Variants in ERC1 observed in about 807,000 individuals in gnomAD.
ERC1 encodes the protein ELKS/RAB6-interacting/CAST family member 1.
In ERC1, 56 loss-of-function variants were observed where a neutral mutation model predicts 132.0. That is an observed-to-expected ratio of 0.42 (90% CI 0.34 to 0.53). The LOEUF (loss-of-function observed/expected upper bound fraction) is 0.53. ERC1 is among the 20% of genes least tolerant of loss of function. ERC1 has a pLI of 0.03. For synonymous variants in ERC1, 478 were observed against 476.1 expected (o/e 1.00, Z -0.05); for missense variants, 1,202 against 1,349.9 (o/e 0.89, Z 1.72).
At chr12:1,444,334 G>A (rs1250684863) in intron 17 of ERC1, 12 of 405,204 alleles carry the variant, frequency 3.0e-5, no homozygotes, top group Admixed American at 4.1e-5. Flanking sequence ...TGAAGCCAGC[G>A]TTCTCTTCCT....
At chr12:1,380,217 ACTC>A (rs2154377973) in intron 16 of ERC1, 1 of 152,082 alleles carries the variant, frequency 6.6e-6, no homozygotes, top group East Asian at 1.9e-4. Context: ...ATTCTCTTTC[ACTC>A]CTCTGCCTTC....
In ERC1 at chr12:1,436,994, A is replaced by G. The variant is rs1421525511; in HGVS notation, c.3025-7568A>G. Among the ~76,000 whole-genome samples, 165 of 144,402 alleles carry G rather than the reference A, an allele frequency of 1.1e-3. 1 individual carries two copies. The highest frequency in any genetic ancestry group is 4.6e-3 in the African/African-American group (157 of 34,126). The allele number at this position is 144,402 out of a possible 152,430, so 94.7% of individuals were successfully genotyped here. A position where few individuals can be genotyped will look rare whatever the true frequency, so the allele number is the denominator to read the frequency against. On this transcript the variant is annotated intron_variant, in intron 17 of 18. Transcript: ENST00000360905. Reference sequence around the variant, plus strand: ...CAGATATATATATATATATGTACTTATACTTAACTCTTCCATTTTTCACTA... The same window carrying G: ...CAGATATATATATATATATGTACTTGTACTTAACTCTTCCATTTTTCACTA...
chr12:1,484,063 T>C (rs1339601037), intron 18 of ERC1, among the ~76,000 whole-genome samples: 3 of 130,560 alleles, frequency 2.3e-5, no homozygotes, highest in Admixed American at 7.1e-5. Flanking sequence ...CCCAGCACTT[T>C]GGGAGGCTGA....
chr12:1,188,367 T>C (rs887103724), intron 11 of ERC1, among the ~76,000 whole-genome samples: 3 of 152,142 alleles, frequency 2.0e-5, no homozygotes, highest in Non-Finnish European at 4.4e-5. Context: ...TCTCCTTTTC[T>C]ATTAGATATA....
intron 15 of ERC1, among the ~76,000 whole-genome samples, chr12:1,321,635 T>G (rs1209610580): frequency 6.6e-6 from 1 of 152,214 alleles, no homozygotes; most frequent in Non-Finnish European, 1.5e-5. Context: ...ATCTTACTCA[T>G]GGCTTTAGGT....
intron 13 of ERC1, among the ~76,000 whole-genome samples, chr12:1,254,070 A>G (rs1164463875): frequency 6.6e-6 from 1 of 152,244 alleles, no homozygotes; most frequent in Non-Finnish European, 1.5e-5. Context: ...CTTCAGTTAC[A>G]TAATCCAATG....
intron 18 of ERC1, among the ~76,000 whole-genome samples, chr12:1,480,006 C>T (rs2094055167): frequency 6.6e-6 from 1 of 152,104 alleles, no homozygotes; most frequent in Admixed American, 6.5e-5. Context: ...ATTTTCTCTA[C>T]CGAAGGTGTA....
At chr12:1,310,214 A>G (rs1159653477) in intron 15 of ERC1, among the ~76,000 whole-genome samples, 25 of 144,418 alleles carry the variant, frequency 1.7e-4, no homozygotes, top group East Asian at 3.9e-4. Flanking sequence ...GTTCTTTTTT[A>G]TTTTATTTTA....
chr12:1,150,641 C>T (rs1950748613), intron 8 of ERC1, among the ~76,000 whole-genome samples: 2 of 152,172 alleles, frequency 1.3e-5, no homozygotes, highest in African/African-American at 4.8e-5. Context: ...AGTATGTGTA[C>T]TTGATATGAT....
intron 18 of ERC1, among the ~76,000 whole-genome samples, chr12:1,487,658 CACAG>C (rs1475034121): frequency 6.7e-6 from 1 of 149,480 alleles, no homozygotes; most frequent in Non-Finnish European, 1.5e-5. Context: ...AGGTCGAGGC[CACAG>C]TGAGCCTGAT....
At chr12:1,386,002 T>A (rs2089296273) in intron 16 of ERC1, 1 of 151,904 alleles carries the variant, frequency 6.6e-6, no homozygotes, top group Non-Finnish European at 1.5e-5. Context: ...TCATTTCCTC[T>A]GTTGCTTAAA....
rs868684267 is a variant in ERC1 at position 1,132,734 on chromosome 12, G to T, written c.1570-8886G>T. ...GGAAAGGCTTTTTTCTGAAATTAAT[G>T]CTTAGAAGAACTGAGAGACAAGAAA... is the stretch of plus-strand genomic sequence containing the variant. On this transcript the variant is annotated intron_variant, in intron 7 of 18. Transcript: ENST00000360905. Among the ~76,000 whole-genome samples the T allele has an allele frequency of 6.6e-5, 10 of 152,098 alleles. 1 individual carries two copies. In the Middle Eastern group the frequency reaches 0.014, roughly 207 times the overall value.
intron 8 of ERC1, among the ~76,000 whole-genome samples, chr12:1,165,904 A>G (rs1408236785): frequency 2.0e-5 from 3 of 152,034 alleles, no homozygotes; most frequent in African/African-American, 4.8e-5. Flanking sequence ...TCACTGTCCA[A>G]TTTTCATCAC....
At chr12:1,180,838 G>A (rs571724533) in intron 9 of ERC1, among the ~76,000 whole-genome samples, 161 bp downstream of exon 9, 1 of 133,180 alleles carries the variant, frequency 7.5e-6, no homozygotes, top group East Asian at 1.9e-4. Context: ...TTTTTTAGAT[G>A]GAGTCTCACT....
chr12:1,420,357 G>A (rs976620838), intron 17 of ERC1, among the ~76,000 whole-genome samples: 5 of 151,990 alleles, frequency 3.3e-5, no homozygotes, highest in African/African-American at 1.2e-4. Flanking sequence ...ACCAGGGACT[G>A]ACTTAAATAA....
intron 15 of ERC1, among the ~76,000 whole-genome samples, chr12:1,340,735 C>G (rs2083756828): frequency 6.6e-6 from 1 of 152,092 alleles, no homozygotes; most frequent in Non-Finnish European, 1.5e-5. Flanking sequence ...GCTGTTCCAC[C>G]TGGCTGCTTT....
chr12:1,488,435 T>G (rs1305038077), intron 18 of ERC1, among the ~76,000 whole-genome samples: 1 of 151,424 alleles, frequency 6.6e-6, no homozygotes, highest in East Asian at 2.0e-4. Flanking sequence ...CTCACGACTG[T>G]AAGCACTTTG....
chr12:1,326,578 A>G (rs1279575285), intron 15 of ERC1, among the ~76,000 whole-genome samples: 1 of 152,236 alleles, frequency 6.6e-6, no homozygotes, highest in Non-Finnish European at 1.5e-5. Context: ...AGAACAGACT[A>G]GGTACTATAA....
chr12:1,196,801 G>A (rs906965669), intron 12 of ERC1, among the ~76,000 whole-genome samples: 1 of 82,486 alleles, frequency 1.2e-5, no homozygotes, highest in Non-Finnish European at 2.5e-5. Context: ...ATGTGCGCAC[G>A]CTATTTCTCT....
Sources: allele counts gnomAD v4.1 joint callset (sites outside exome capture counted in the v4.1 genomes callset), GRCh38; gene constraint gnomAD v4.1.1; transcripts MANE v1.5; gene names NCBI Gene and HGNC (gene_info 2026-07-23, HGNC 2026-07-21).